Variants in MEGF11 observed in about 807,000 individuals in gnomAD.
MEGF11 encodes the protein multiple EGF like domains 11.
In MEGF11, 126 loss-of-function variants were observed where a neutral mutation model predicts 146.6. The observed-to-expected ratio is 0.86, with a 90% CI of 0.74 to 1.00. The LOEUF (loss-of-function observed/expected upper bound fraction) is 1.00. MEGF11 is among the 50% of genes least tolerant of loss of function. The pLI is 0.00. For synonymous variants in MEGF11, 532 were observed against 583.4 expected, an observed-to-expected ratio of 0.91 and a Z score of 1.27; for missense variants, 1,509 against 1,521.2, an observed-to-expected ratio of 0.99 and a Z score of 0.13.
At chr15:66,001,440 G>A (rs2082363896) in intron 5 of MEGF11, among the ~76,000 whole-genome samples, 1 of 152,074 alleles carries the variant, frequency 6.6e-6, no homozygotes, top group Non-Finnish European at 1.5e-5. Context: ...GCCGGGTAGA[G>A]GATGCTGTCA....
At chr15:66,132,445 G>C (rs1253684500) in intron 1 of MEGF11, among the ~76,000 whole-genome samples, 3 of 152,182 alleles carry the variant, frequency 2.0e-5, no homozygotes, top group Non-Finnish European at 4.4e-5. Context: ...CTGGAGCCTG[G>C]AGCCTGGCCA....
intron 2 of MEGF11, among the ~76,000 whole-genome samples, chr15:66,126,007 C>A (rs2088321440): frequency 6.6e-6 from 1 of 152,174 alleles, no homozygotes; most frequent in East Asian, 1.9e-4. Context: ...AGTGTGTACC[C>A]CTGGTTTCAT....
chr15:66,209,080 G>T (rs2091376256), intron 1 of MEGF11, among the ~76,000 whole-genome samples: 1 of 152,128 alleles, frequency 6.6e-6, no homozygotes, highest in Non-Finnish European at 1.5e-5. Flanking sequence ...GGCCGGGCAC[G>T]GTGTTCACGC....
intron 1 of MEGF11, 156 bp from the exon 2 acceptor site, chr15:66,128,567 G>A (rs1056562296): frequency 2.3e-5 from 10 of 431,794 alleles, no homozygotes; most frequent in Non-Finnish European, 4.0e-5. Flanking sequence ...TAACAGGAGA[G>A]TGGGAAGCCT....
At chr15:66,227,053 G>A (rs1044792018) in intron 1 of MEGF11, among the ~76,000 whole-genome samples, 2 of 152,190 alleles carry the variant, frequency 1.3e-5, no homozygotes, top group African/African-American at 2.4e-5. Context: ...GTCCACGGAG[G>A]CCTCTGAAAA....
chr15:65,992,134 G>A lies in MEGF11; in HGVS notation c.395-9646C>T, dbSNP rs1352210745. On this transcript the variant is annotated intron_variant, in intron 5 of 25. Transcript: ENST00000395614. ...GCCATGGGTACATTCAATGCCCTGAGCAAAGGCAGTTGCTCCAGCTCATTA... is the reference window on the plus strand; with the variant it reads ...GCCATGGGTACATTCAATGCCCTGAACAAAGGCAGTTGCTCCAGCTCATTA... 2.0e-5 allele frequency among the ~76,000 whole-genome samples: 3 copies of A among 152,222 alleles called. No individual in the cohort carries two copies. The East Asian group carries it at 5.8e-4, about 29-fold the overall frequency.
intron 1 of MEGF11, among the ~76,000 whole-genome samples, chr15:66,129,866 T>C (rs891002645): frequency 2.0e-5 from 3 of 152,176 alleles, no homozygotes; most frequent in Non-Finnish European, 4.4e-5. Context: ...ATTAATGAGG[T>C]GTTCCTGTTT....
intron 15 of MEGF11, among the ~76,000 whole-genome samples, chr15:65,918,374 A>G (rs1483874002): frequency 1.3e-5 from 2 of 152,240 alleles, no homozygotes. Context: ...CACCTGACTT[A>G]GGTCTCACAG....
chr15:66,078,802 G>T (rs2085706312), intron 5 of MEGF11, among the ~76,000 whole-genome samples: 1 of 152,328 alleles, frequency 6.6e-6, no homozygotes, highest in South Asian at 2.1e-4. Context: ...TTCAAGGTGG[G>T]ATCTCCACTG....
rs2081002365 is a variant in MEGF11, at chr15:65,964,900, G to A, written c.1112+8C>T. The A allele has an allele frequency of 1.3e-6, 2 of 1,532,084 alleles. No homozygotes were observed. Among genetic ancestry groups the A allele is most frequent in the South Asian group, 1.2e-5 (1 of 83,312 alleles). The allele number at this position is 1,532,084 out of a possible 1,614,324, so 94.9% of individuals were successfully genotyped here. A position where few individuals can be genotyped will look rare whatever the true frequency, so the allele number is the denominator to read the frequency against. On this transcript the variant is annotated splice_region_variant and intron_variant, in intron 9 of 25. Transcript: ENST00000395614. ...CTTGTCCCGGGCTCGCCCATTCCCA[G>A]CTCATACCTGATGGTGTTGTCAGCG...
chr15:66,128,095 A>T (rs531494761), intron 2 of MEGF11, among the ~76,000 whole-genome samples: 124 of 152,294 alleles, frequency 8.1e-4, no homozygotes, highest in African/African-American at 2.9e-3. Flanking sequence ...AGTGCATCGT[A>T]ACTGAAGTTA....
rs140762053 is a variant in MEGF11 at position 66,213,103 on chromosome 15, G to A, written c.-9+40502C>T. Reference sequence around the variant, plus strand: ...GCCTGCAAATCCCTGCACTGGGGAAGTGCTGGTGAGCCACAGCTAACTGAG... The same window carrying A: ...GCCTGCAAATCCCTGCACTGGGGAAATGCTGGTGAGCCACAGCTAACTGAG... On this transcript the variant is annotated intron_variant, in intron 1 of 25. Coordinates refer to ENST00000395614, the MANE Select transcript of MEGF11 (RefSeq NM_001385028.1). Among the ~76,000 whole-genome samples the A allele has an allele frequency of 3.7e-3, 570 of 152,322 alleles. 4 individuals are homozygous for A. The highest frequency in any genetic ancestry group is 0.013 in the African/African-American group (535 of 41,570).
intron 5 of MEGF11, among the ~76,000 whole-genome samples, chr15:66,065,113 G>A (rs567641844): frequency 6.6e-6 from 1 of 152,280 alleles, no homozygotes; most frequent in East Asian, 1.9e-4. Context: ...GGAAGCAAAT[G>A]CTGCCACGGG....
intron 5 of MEGF11, among the ~76,000 whole-genome samples, chr15:66,050,562 T>C (rs948532370): frequency 1.3e-5 from 2 of 152,158 alleles, no homozygotes; most frequent in Admixed American, 6.5e-5. Flanking sequence ...ACACGGGGCC[T>C]TAGACACCCA....
rs558645877 is a variant in MEGF11 at position 65,910,902 on chromosome 15, A to G, written c.2830-1096T>C. On this transcript the variant is annotated intron_variant, in intron 21 of 25. Coordinates refer to ENST00000395614, the MANE Select transcript of MEGF11 (RefSeq NM_001385028.1). ...CCCTGCTCCCCACTGTTTTGTGTCT[A>G]TGGGCACAGGCACAGGTGGGTGTCC... 9.0e-4 allele frequency among the ~76,000 whole-genome samples: 137 copies of G among 152,248 alleles called. 1 individual carries two copies. Among genetic ancestry groups the G allele is most frequent in the Non-Finnish European group, 1.3e-4 (9 of 68,002 alleles).
chr15:65,920,605 T>C (rs1462123721), intron 15 of MEGF11, among the ~76,000 whole-genome samples: 1 of 152,252 alleles, frequency 6.6e-6, no homozygotes, highest in Non-Finnish European at 1.5e-5. Flanking sequence ...TTGGTCGACT[T>C]CTTAGCTGAA....
intron 1 of MEGF11, among the ~76,000 whole-genome samples, chr15:66,166,089 C>T (rs191606271): frequency 6.6e-6 from 1 of 152,298 alleles, no homozygotes; most frequent in East Asian, 1.9e-4. Context: ...GCAGGGCCCT[C>T]ACCCCTGAGC....
intron 5 of MEGF11, among the ~76,000 whole-genome samples, chr15:66,073,358 C>T (rs72744410): frequency 0.1 from 15,615 of 152,246 alleles, 942 homozygotes; most frequent in Middle Eastern, 0.16. Flanking sequence ...TCCTTGTGGG[C>T]AGGCTGTCTC....
At chr15:65,964,759 G>T in intron 9 of MEGF11, 149 bp downstream of exon 9, 1 of 713,450 alleles carries the variant, frequency 1.4e-6, no homozygotes, top group Non-Finnish European at 2.2e-6. Context: ...CATCAAAGTG[G>T]TTCTCAGGGC....
Sources: gnomAD v4.1 joint callset for allele counts (sites outside exome capture counted in the v4.1 genomes callset) on GRCh38, gnomAD v4.1.1 for gene constraint, MANE v1.5 for transcripts, NCBI Gene and HGNC (gene_info 2026-07-23, HGNC 2026-07-21) for gene names.